The following KCTD8 variants were observed in gnomAD, a reference collection of about 807,000 sequenced individuals.
KCTD8 encodes BTB/POZ domain-containing protein KCTD8.
A neutral mutation model predicts 31.5 loss-of-function variants in KCTD8; 27 were observed. The observed-to-expected ratio is 0.86, with a 90% CI of 0.63 to 1.18. The LOEUF (loss-of-function observed/expected upper bound fraction) is 1.18. Ranked by LOEUF, KCTD8 falls within the 50% of genes most tolerant of loss-of-function variation. The pLI, the probability that KCTD8 is intolerant of heterozygous loss-of-function variation, is 0.00. For missense variants in KCTD8, 658 were observed against 647.7 expected, an observed-to-expected ratio of 1.02 and a Z score of -0.17; for synonymous variants, 290 against 280.0, an observed-to-expected ratio of 1.04 and a Z score of -0.36.
intron 1 of KCTD8, among the ~76,000 whole-genome samples, chr4:44,326,537 A>T (rs1346742863): frequency 6.6e-6 from 1 of 151,874 alleles, no homozygotes; most frequent in Admixed American, 6.6e-5. Context: ...TCTACTATCC[A>T]CTGCATATGC....
chr4:44,280,246 T>G (rs1560414282), intron 1 of KCTD8, among the ~76,000 whole-genome samples: 1 of 152,024 alleles, frequency 6.6e-6, no homozygotes, highest in African/African-American at 2.4e-5. Context: ...TAACTTTTTT[T>G]CCAATCAAAT....
intron 1 of KCTD8, among the ~76,000 whole-genome samples, chr4:44,234,316 G>A (rs906962660): frequency 6.6e-6 from 1 of 152,122 alleles, no homozygotes; most frequent in East Asian, 1.9e-4. Flanking sequence ...GGGACAGCAG[G>A]AGACACTAGG....
chr4:44,317,267 C>G (rs1162106227), intron 1 of KCTD8, among the ~76,000 whole-genome samples: 1 of 50,452 alleles, frequency 2.0e-5, no homozygotes, highest in Admixed American at 3.1e-4. Context: ...GAGTCTCGCT[C>G]TGTCGCCCAG....
At chr4:44,347,289 C>T (rs904485807) in intron 1 of KCTD8, among the ~76,000 whole-genome samples, 1 of 152,176 alleles carries the variant, frequency 6.6e-6, no homozygotes, top group African/African-American at 2.4e-5. Context: ...CCATGACAAT[C>T]ATGGTTGGAA....
chr4:44,319,782 G>A (rs1236948373), intron 1 of KCTD8, among the ~76,000 whole-genome samples: 1 of 152,110 alleles, frequency 6.6e-6, no homozygotes, highest in Admixed American at 6.5e-5. Context: ...GAAACTGGAA[G>A]TTGCAAATTA....
chr4:44,298,476 A>G (rs796274724), intron 1 of KCTD8, among the ~76,000 whole-genome samples: 6 of 152,034 alleles, frequency 3.9e-5, no homozygotes, highest in African/African-American at 1.2e-4. Context: ...AGGAGAAGAA[A>G]GCACCATCAC....
intron 1 of KCTD8, among the ~76,000 whole-genome samples, chr4:44,180,027 T>A (rs1713332977): frequency 6.6e-6 from 1 of 152,152 alleles, no homozygotes; most frequent in Admixed American, 6.5e-5. Flanking sequence ...AAGCACCACA[T>A]GAATGATAAT....
At chr4:44,412,323 T>G (rs1444393477) in intron 1 of KCTD8, among the ~76,000 whole-genome samples, 1 of 152,176 alleles carries the variant, frequency 6.6e-6, no homozygotes, top group Non-Finnish European at 1.5e-5. Flanking sequence ...TGCGTAAATA[T>G]TACTACATTA....
intron 1 of KCTD8, among the ~76,000 whole-genome samples, chr4:44,438,327 C>T (rs1279406134): frequency 1.3e-5 from 2 of 152,072 alleles, no homozygotes. Context: ...GGCCAAATGC[C>T]TAGACTCTGG....
intron 1 of KCTD8, among the ~76,000 whole-genome samples, chr4:44,235,576 T>TATATATATA (rs1560402134): frequency 3.5e-4 from 20 of 56,838 alleles, no homozygotes; most frequent in Non-Finnish European, 5.1e-4. Context: ...TATATATATA[T>TATATATATA]TTAGAGAGAG....
rs1385186256 is a variant in KCTD8, at chr4:44,329,901, ACT to A, written c.961+117660_961+117661del. On this transcript the variant is annotated intron_variant, in intron 1 of 1. Transcript: ENST00000360029. ...GCTATAGTAGACAACAGTAAATGTA[ACT>A]CTGACTTTTCATTGAAGACCACAGA... 2.0e-5 allele frequency among the ~76,000 whole-genome samples: 3 copies of A among 151,898 alleles called. No homozygotes were observed. The South Asian group carries it at 6.2e-4, about 32-fold the overall frequency.
intron 1 of KCTD8, among the ~76,000 whole-genome samples, chr4:44,221,896 T>C (rs574001777): frequency 1.3e-5 from 2 of 152,244 alleles, no homozygotes; most frequent in African/African-American, 4.8e-5. Context: ...CCGGAACAAA[T>C]ACTTTGCATC....
At chr4:44,369,765 C>T (rs1481252447) in intron 1 of KCTD8, among the ~76,000 whole-genome samples, 3 of 152,022 alleles carry the variant, frequency 2.0e-5, no homozygotes, top group African/African-American at 7.2e-5. Flanking sequence ...ACCTTTGCAC[C>T]CGCAAGCCTG....
chr4:44,289,164 A>G (rs887229289), intron 1 of KCTD8, among the ~76,000 whole-genome samples: 3 of 151,588 alleles, frequency 2.0e-5, no homozygotes, highest in Non-Finnish European at 4.4e-5. Context: ...CAAGTGTTTC[A>G]TATGTATGTA....
chr4:44,437,463 T>A (rs937263734), intron 1 of KCTD8, among the ~76,000 whole-genome samples: 1 of 152,290 alleles, frequency 6.6e-6, no homozygotes, highest in East Asian at 1.9e-4. Flanking sequence ...ATAAATGAAC[T>A]GAAGAAGAGA....
chr4:44,254,905 G>C (rs1715948413), intron 1 of KCTD8, among the ~76,000 whole-genome samples: 1 of 151,714 alleles, frequency 6.6e-6, no homozygotes, highest in South Asian at 2.1e-4. Flanking sequence ...ATTTTTGTGG[G>C]AACATTTTAT....
intron 1 of KCTD8, among the ~76,000 whole-genome samples, chr4:44,209,775 AC>A (rs1451356711): frequency 6.6e-6 from 1 of 152,176 alleles, no homozygotes; most frequent in East Asian, 1.9e-4. Context: ...ACTGACAAGA[AC>A]AAGTAAGTGA....
intron 1 of KCTD8, among the ~76,000 whole-genome samples, chr4:44,335,911 G>A (rs371454816): frequency 1.2e-4 from 18 of 151,888 alleles, no homozygotes; most frequent in East Asian, 9.7e-4. Flanking sequence ...AGCACTTTGG[G>A]AGGCCGAGGC....
intron 1 of KCTD8, among the ~76,000 whole-genome samples, chr4:44,365,817 A>G (rs1235899094): frequency 6.6e-6 from 1 of 152,208 alleles, no homozygotes; most frequent in Non-Finnish European, 1.5e-5. Context: ...TTTATGTACA[A>G]GAAGATACAT....
Sources: allele counts gnomAD v4.1 joint callset (sites outside exome capture counted in the v4.1 genomes callset), GRCh38; gene constraint gnomAD v4.1.1; transcripts MANE v1.5; gene names NCBI Gene and HGNC (gene_info 2026-07-23, HGNC 2026-07-21).